The following PAK1 variants were observed in gnomAD, a reference collection of about 807,000 sequenced individuals.
PAK1 encodes p21 (RAC1) activated kinase 1.
Under a neutral mutation model 67.4 loss-of-function variants are expected in PAK1, and 29 were observed. The observed-to-expected ratio is 0.43, with a 90% CI of 0.32 to 0.59. PAK1 has a LOEUF of 0.59. Among genes scored for constraint, PAK1 ranks in the 20% least tolerant of loss-of-function variants. The pLI is 0.07. For synonymous variants in PAK1, 223 were observed against 237.4 expected (o/e 0.94, Z 0.56); for missense variants, 337 against 670.7 (o/e 0.50, Z 5.50).
upstream of PAK1, chr11:77,476,224 T>C (rs1418657290): frequency 6.6e-6 from 1 of 152,280 alleles, no homozygotes; most frequent in Non-Finnish European, 1.5e-5. Flanking sequence ...TGCCAGGTAC[T>C]GTTCTGAGCA....
the PAK1 span, among the ~76,000 whole-genome samples, chr11:77,498,904 T>A: frequency 2.0e-5 from 3 of 151,968 alleles, no homozygotes; most frequent in African/African-American, 7.2e-5. Context: ...TTTCACCATG[T>A]TGGACAGGGT....
Position 77,405,115 on chromosome 11 carries a change from C to T in PAK1, c.-21-12574G>A, listed in dbSNP as rs928527738. 4.6e-5 allele frequency among the ~76,000 whole-genome samples: 7 copies of T among 152,116 alleles called. No homozygotes were observed. In the South Asian group the frequency reaches 6.2e-4, roughly 14 times the overall value. On this transcript the variant is annotated intron_variant, in intron 1 of 14. Coordinates refer to ENST00000356341, the MANE Select transcript of PAK1 (RefSeq NM_002576.5). ...GTAATATCTGGAAAAGCATTTTAAG[C>T]GAAGGAGTAATAAGTACAAATGTCT...
At chr11:77,479,084 CA>C (rs757138155), upstream of PAK1, among the ~76,000 whole-genome samples, 745 of 88,706 alleles carry the variant, frequency 8.4e-3, 4 homozygotes, top group African/African-American at 0.022. Context: ...GACTCCGTCT[CA>C]AAAAAAAAAA....
the PAK1 span, among the ~76,000 whole-genome samples, chr11:77,529,695 C>A: frequency 3.3e-5 from 5 of 152,092 alleles, no homozygotes; most frequent in Non-Finnish European, 5.9e-5. Context: ...TCAGGGACAG[C>A]ATCTCAAAGG....
intron 4 of PAK1, 89 bp from the exon 5 acceptor site, chr11:77,374,454 C>T (rs538546294): frequency 3.6e-5 from 29 of 801,438 alleles, no homozygotes; most frequent in South Asian, 1.0e-4. Flanking sequence ...TGGTCAAGCA[C>T]GTGCCAGATT....
intron 1 of PAK1, among the ~76,000 whole-genome samples, chr11:77,434,397 C>T (rs1481785962): frequency 6.6e-6 from 1 of 151,862 alleles, no homozygotes. Flanking sequence ...ATGAAAAACA[C>T]ACATTACAAC....
intron 1 of PAK1, among the ~76,000 whole-genome samples, chr11:77,445,876 T>C (rs1046639935): frequency 6.6e-6 from 1 of 152,234 alleles, no homozygotes; most frequent in African/African-American, 2.4e-5. Flanking sequence ...TTGTCCGTTG[T>C]ATTAGTTATT....
At chr11:77,485,857 T>C in the PAK1 span, among the ~76,000 whole-genome samples, 61 of 152,350 alleles carry the variant, frequency 4.0e-4, no homozygotes, top group African/African-American at 1.4e-3. Context: ...GTTGCAACTA[T>C]AATAGTGTGT....
the PAK1 span, among the ~76,000 whole-genome samples, chr11:77,491,973 C>A: frequency 6.6e-6 from 1 of 152,202 alleles, no homozygotes; most frequent in Non-Finnish European, 1.5e-5. Flanking sequence ...CACACATACA[C>A]TGACAACAAA....
chr11:77,516,764 A>G, the PAK1 span, among the ~76,000 whole-genome samples: 6 of 145,614 alleles, frequency 4.1e-5, no homozygotes, highest in African/African-American at 1.5e-4. Context: ...AGCCCTTGAG[A>G]GGCTGAGGTG....
At chr11:77,394,740 G>A (rs1266163739) in intron 1 of PAK1, among the ~76,000 whole-genome samples, 1 of 152,148 alleles carries the variant, frequency 6.6e-6, no homozygotes, top group East Asian at 1.9e-4. Flanking sequence ...AGCTACTCAG[G>A]AGGCTGAGGG....
chr11:77,359,214 C>G (rs967210873), intron 5 of PAK1, among the ~76,000 whole-genome samples, 197 bp from the exon 6 acceptor site: 2 of 152,088 alleles, frequency 1.3e-5, no homozygotes, highest in Non-Finnish European at 2.9e-5. Context: ...CATCACTATC[C>G]ACTCAGTCCC....
At chr11:77,479,041 C>T (rs1592616338), upstream of PAK1, among the ~76,000 whole-genome samples, 1 of 148,198 alleles carries the variant, frequency 6.7e-6, no homozygotes. Context: ...GCCGAGACCG[C>T]GCCACTGCAC....
In PAK1 at chr11:77,383,419, G is replaced by A. The variant is rs1297661397; in HGVS notation, c.191-3425C>T. Among the ~76,000 whole-genome samples, 6 of 149,738 alleles carry A rather than the reference G, an allele frequency of 4.0e-5. No individual in the cohort carries two copies. In the East Asian group the frequency reaches 7.9e-4, roughly 20 times the overall value. Reference sequence around the variant, plus strand: ...AGCTCACTGCAACCTCCACCTCCCCGGTTCAAGCAATTCTCCCTGCCTCAG... The same window carrying A: ...AGCTCACTGCAACCTCCACCTCCCCAGTTCAAGCAATTCTCCCTGCCTCAG... On this transcript the variant is annotated intron_variant, in intron 2 of 14. Coordinates refer to ENST00000356341, the MANE Select transcript of PAK1 (RefSeq NM_002576.5).
chr11:77,408,466 T>A (rs539693778), intron 1 of PAK1, among the ~76,000 whole-genome samples: 1 of 150,448 alleles, frequency 6.6e-6, no homozygotes, highest in East Asian at 2.0e-4. Flanking sequence ...CTGGCAAGGA[T>A]GGGGAGAAAG....
At chr11:77,443,833 G>C (rs1956471282) in intron 1 of PAK1, among the ~76,000 whole-genome samples, 1 of 152,150 alleles carries the variant, frequency 6.6e-6, no homozygotes, top group Non-Finnish European at 1.5e-5. Context: ...CAGAAGGTGA[G>C]AATTCTGAAC....
At chr11:77,511,014 G>A in the PAK1 span, among the ~76,000 whole-genome samples, 1 of 152,200 alleles carries the variant, frequency 6.6e-6, no homozygotes, top group Admixed American at 6.5e-5. Flanking sequence ...TGACTTCTGT[G>A]TGGGAAGGTA....
At chr11:77,451,113 T>G (rs985299268) in intron 1 of PAK1, among the ~76,000 whole-genome samples, 1 of 152,188 alleles carries the variant, frequency 6.6e-6, no homozygotes, top group Non-Finnish European at 1.5e-5. Flanking sequence ...TCTCAAACAT[T>G]TACTGACTAC....
chr11:77,357,870 TTTGAGG>T (rs1188577226), intron 6 of PAK1, among the ~76,000 whole-genome samples: 5 of 151,936 alleles, frequency 3.3e-5, no homozygotes, highest in Non-Finnish European at 7.4e-5. Context: ...TCCTCTACTT[TTTGAGG>T]TGTTCATGGT....
Sources: gnomAD v4.1 joint callset for allele counts (sites outside exome capture counted in the v4.1 genomes callset) on GRCh38, gnomAD v4.1.1 for gene constraint, MANE v1.5 for transcripts, NCBI Gene and HGNC (gene_info 2026-07-23, HGNC 2026-07-21) for gene names.